Variants in PDZRN4 observed in about 807,000 individuals in gnomAD.
PDZRN4 encodes the protein PDZ domain containing ring finger 4.
In PDZRN4, 70 loss-of-function variants were observed where a neutral mutation model predicts 99.0. The ratio of observed to expected loss-of-function variants is 0.71; its 90% CI spans 0.58 to 0.86. The LOEUF (loss-of-function observed/expected upper bound fraction) is 0.86, where lower values mean the gene tolerates loss of function less well. Ranked by LOEUF, PDZRN4 falls within the 40% of genes least tolerant of loss-of-function variation. The probability of loss-of-function intolerance (pLI) is 0.00; values close to 1 mark genes in which losing one functional copy is unlikely to be tolerated. For synonymous variants in PDZRN4, 551 were observed against 501.6 expected (o/e 1.10, Z -1.32); for missense variants, 1,474 against 1,331.2 (o/e 1.11, Z -1.67).
At chr12:41,531,415 G>A (rs1938659141) in intron 5 of PDZRN4, among the ~76,000 whole-genome samples, 1 of 152,072 alleles carries the variant, frequency 6.6e-6, no homozygotes, top group African/African-American at 2.4e-5. Flanking sequence ...TTCCTCCTCC[G>A]ATGTGTTTCT....
chr12:41,375,250 T>C (rs1161597892), intron 3 of PDZRN4, among the ~76,000 whole-genome samples: 2 of 152,180 alleles, frequency 1.3e-5, no homozygotes, highest in Admixed American at 6.5e-5. Context: ...TACAAGATAG[T>C]GTGAATTGTT....
At chr12:41,280,416 C>T (rs1159091642) in intron 3 of PDZRN4, among the ~76,000 whole-genome samples, 2 of 152,154 alleles carry the variant, frequency 1.3e-5, no homozygotes, top group South Asian at 2.1e-4. Context: ...AAGTAGTCTT[C>T]CTCAGCGGAT....
chr12:41,492,833 A>G (rs1204689666), intron 3 of PDZRN4, among the ~76,000 whole-genome samples: 3 of 152,204 alleles, frequency 2.0e-5, no homozygotes, highest in Admixed American at 2.0e-4. Context: ...AATGAAAAAG[A>G]TATAGACAAC....
intron 3 of PDZRN4, among the ~76,000 whole-genome samples, chr12:41,466,121 G>A (rs1952922596): frequency 6.6e-6 from 1 of 152,140 alleles, no homozygotes; most frequent in African/African-American, 2.4e-5. Flanking sequence ...CCAGGCTAGA[G>A]GTTAAAACTC....
At chr12:41,312,130 C>T (rs76580879) in intron 3 of PDZRN4, among the ~76,000 whole-genome samples, 4,392 of 152,120 alleles carry the variant, frequency 0.029, 109 homozygotes, top group East Asian at 0.14. Flanking sequence ...ACTTAAAATA[C>T]ATGTGCACAG....
intron 3 of PDZRN4, among the ~76,000 whole-genome samples, chr12:41,497,098 A>C (rs1300622238): frequency 1.3e-5 from 2 of 152,124 alleles, no homozygotes; most frequent in Non-Finnish European, 2.9e-5. Context: ...AGTGTGGCTA[A>C]GTTGCAAGGT....
At chr12:41,306,729 C>A (rs1272268156) in intron 3 of PDZRN4, among the ~76,000 whole-genome samples, 2 of 152,164 alleles carry the variant, frequency 1.3e-5, no homozygotes, top group Non-Finnish European at 2.9e-5. Context: ...TAGAAGCAGT[C>A]AGGAGAAACC....
Position 41,188,378 on chromosome 12 carries a change from G to A in PDZRN4, c.-78G>A. 2.2e-6 allele frequency: 3 copies of A among 1,360,620 alleles called. No individual in the cohort carries two copies. Among genetic ancestry groups the A allele is most frequent in the East Asian group, 2.7e-5 (1 of 37,206 alleles). 84.3% of individuals were successfully genotyped at this position (1,360,620 alleles called of 1,614,324 possible). A position where few individuals can be genotyped will look rare whatever the true frequency, so the allele number is the denominator to read the frequency against. On this transcript the variant is annotated 5_prime_UTR_variant, in exon 1 of 10. Coordinates refer to ENST00000402685, the MANE Select transcript of PDZRN4 (RefSeq NM_001164595.2). ...CCGCCGCCGCGAGACGGCTGCCCCG[G>A]GGGTGGCCCGGGGAAGGCAGGGGGG... is the stretch of plus-strand genomic sequence containing the variant.
intron 3 of PDZRN4, among the ~76,000 whole-genome samples, chr12:41,437,008 G>C (rs78270822): frequency 6.6e-6 from 1 of 152,028 alleles, no homozygotes; most frequent in Non-Finnish European, 1.5e-5. Context: ...ATCTACATGC[G>C]TTATATGCTA....
intron 3 of PDZRN4, among the ~76,000 whole-genome samples, chr12:41,500,314 G>A (rs1938088189): frequency 6.6e-6 from 1 of 151,882 alleles, no homozygotes; most frequent in African/African-American, 2.4e-5. Flanking sequence ...CTATACCCAG[G>A]GAAATGAAGC....
At chr12:41,316,996 G>T (rs1307376456) in intron 3 of PDZRN4, among the ~76,000 whole-genome samples, 1 of 133,326 alleles carries the variant, frequency 7.5e-6, no homozygotes, top group African/African-American at 2.6e-5. Flanking sequence ...CTCTTTTTGG[G>T]AGTAAGGGGG....
At chr12:41,536,503 A>G (rs574497831) in intron 5 of PDZRN4, among the ~76,000 whole-genome samples, 1 of 152,312 alleles carries the variant, frequency 6.6e-6, no homozygotes, top group South Asian at 2.1e-4. Flanking sequence ...AATGGTAGAT[A>G]CATGCCATTA....
intron 3 of PDZRN4, among the ~76,000 whole-genome samples, chr12:41,217,920 C>T (rs575341452): frequency 6.6e-6 from 1 of 152,180 alleles, no homozygotes; most frequent in African/African-American, 2.4e-5. Context: ...TTCATATAAA[C>T]TTCCCACAGA....
chr12:41,443,341 C>T (rs1952697496), intron 3 of PDZRN4, among the ~76,000 whole-genome samples: 1 of 151,918 alleles, frequency 6.6e-6, no homozygotes, highest in Non-Finnish European at 1.5e-5. Flanking sequence ...TTTAAAAAGC[C>T]AGTGGAAGTG....
At chr12:41,518,221 G>C (rs1476919455) in intron 5 of PDZRN4, among the ~76,000 whole-genome samples, 1 of 151,958 alleles carries the variant, frequency 6.6e-6, no homozygotes, top group Non-Finnish European at 1.5e-5. Context: ...AATATTCACT[G>C]TCTATTAAAT....
chr12:41,243,640 AAAAT>A (rs1458823582), intron 3 of PDZRN4, among the ~76,000 whole-genome samples: 1 of 152,142 alleles, frequency 6.6e-6, no homozygotes, highest in Non-Finnish European at 1.5e-5. Flanking sequence ...ATTAACAAAT[AAAAT>A]AAATAAAATA....
intron 3 of PDZRN4, among the ~76,000 whole-genome samples, chr12:41,504,500 A>G (rs1479193861): frequency 6.6e-6 from 1 of 152,190 alleles, no homozygotes; most frequent in African/African-American, 2.4e-5. Context: ...TCTGGAATGT[A>G]TAAATACTGA....
chr12:41,305,264 G>A (rs1951561087), intron 3 of PDZRN4, among the ~76,000 whole-genome samples: 1 of 152,140 alleles, frequency 6.6e-6, no homozygotes, highest in Non-Finnish European at 1.5e-5. Context: ...CAAATCTACT[G>A]CATCATTGGA....
chr12:41,449,141 C>A (rs905354197), intron 3 of PDZRN4, among the ~76,000 whole-genome samples: 1 of 152,154 alleles, frequency 6.6e-6, no homozygotes, highest in African/African-American at 2.4e-5. Context: ...CAGAATCCTC[C>A]CATTTTTCTT....
Sources: allele counts gnomAD v4.1 joint callset (sites outside exome capture counted in the v4.1 genomes callset), GRCh38; gene constraint gnomAD v4.1.1; transcripts MANE v1.5; gene names NCBI Gene and HGNC (gene_info 2026-07-23, HGNC 2026-07-21).